The following THSD7A variants were observed in gnomAD, a reference collection of about 807,000 sequenced individuals.
The protein encoded by THSD7A is thrombospondin type-1 domain-containing protein 7A.
THSD7A carries 96 observed loss-of-function variants against 231.3 expected under a neutral mutation model. The ratio of observed to expected loss-of-function variants is 0.41; its 90% CI spans 0.35 to 0.49. The LOEUF (loss-of-function observed/expected upper bound fraction) is 0.49, where lower values mean the gene tolerates loss of function less well. Among genes scored for constraint, THSD7A ranks in the 20% least tolerant of loss-of-function variants. The probability of loss-of-function intolerance (pLI) is 0.05; values close to 1 mark genes in which losing one functional copy is unlikely to be tolerated. For synonymous variants in THSD7A, 940 were observed against 743.3 expected (o/e 1.26, Z -4.30); for missense variants, 2,290 against 2,070.2 (o/e 1.11, Z -2.06).
intron 6 of THSD7A, among the ~76,000 whole-genome samples, chr7:11,503,786 T>C (rs186577004): frequency 2.0e-5 from 3 of 152,292 alleles, no homozygotes; most frequent in African/African-American, 7.2e-5. Context: ...TCAGAATGAC[T>C]ATTATTAAAA....
chr7:11,697,794 C>A (rs1248968457), intron 1 of THSD7A, among the ~76,000 whole-genome samples: 1 of 151,326 alleles, frequency 6.6e-6, no homozygotes, highest in Non-Finnish European at 1.5e-5. Flanking sequence ...TAAGAAGAAC[C>A]TGTCCATACT....
chr7:11,531,169 C>A (rs1160786075), intron 6 of THSD7A, among the ~76,000 whole-genome samples: 2 of 152,152 alleles, frequency 1.3e-5, no homozygotes, highest in African/African-American at 4.8e-5. Flanking sequence ...TAGTTTTCCT[C>A]AACTAGTGTA....
intron 1 of THSD7A, among the ~76,000 whole-genome samples, chr7:11,748,560 C>G (rs1176546460): frequency 6.6e-6 from 1 of 151,762 alleles, no homozygotes; most frequent in African/African-American, 2.4e-5. Context: ...TCACCCTTCC[C>G]CTAAAATACC....
chr7:11,495,769 T>G (rs141751974), intron 6 of THSD7A, among the ~76,000 whole-genome samples: 113 of 152,284 alleles, frequency 7.4e-4, no homozygotes, highest in African/African-American at 2.5e-3. Flanking sequence ...GATAATGTGC[T>G]GAGACTTTTG....
At chr7:11,400,784 T>G (rs1783374238) in intron 23 of THSD7A, among the ~76,000 whole-genome samples, 1 of 152,192 alleles carries the variant, frequency 6.6e-6, no homozygotes, top group Admixed American at 6.5e-5. Flanking sequence ...TGTCTCCTAC[T>G]TTTCAGTAAG....
intron 1 of THSD7A, among the ~76,000 whole-genome samples, chr7:11,713,236 C>T (rs1017895296): frequency 1.3e-5 from 2 of 151,122 alleles, no homozygotes; most frequent in African/African-American, 4.8e-5. Flanking sequence ...CCCTCCCATT[C>T]CTCAAAAAAG....
chr7:11,566,965 T>TAGCGGGGGGGGGGGGGGGGGGGGG, intron 4 of THSD7A, among the ~76,000 whole-genome samples: 4 of 92,350 alleles, frequency 4.3e-5, no homozygotes, highest in African/African-American at 1.7e-4. Context: ...TGTGGGAGAG[T>TAGCGGGGGGGGGGGGGGGGGGGGG]GGGGGGGGGA....
chr7:11,517,620 T>C (rs1395910740), intron 6 of THSD7A, among the ~76,000 whole-genome samples: 1 of 152,200 alleles, frequency 6.6e-6, no homozygotes, highest in South Asian at 2.1e-4. Context: ...TAGTTTCTTC[T>C]CTTGATCTGA....
chr7:11,513,293 C>T (rs1313421356), intron 6 of THSD7A, among the ~76,000 whole-genome samples: 4 of 150,884 alleles, frequency 2.7e-5, no homozygotes, highest in African/African-American at 9.8e-5. Context: ...CACCTGTATC[C>T]CAATCACTTA....
chr7:11,400,384 G>A (rs60277480), intron 23 of THSD7A, among the ~76,000 whole-genome samples: 2,347 of 152,182 alleles, frequency 0.015, 76 homozygotes, highest in African/African-American at 0.053. Context: ...CTGTAGAAGC[G>A]TTTAAAGCTT....
intron 1 of THSD7A, among the ~76,000 whole-genome samples, chr7:11,686,583 T>C (rs563523372): frequency 9.2e-5 from 14 of 151,934 alleles, no homozygotes; most frequent in African/African-American, 3.4e-4. Context: ...GAAATCAACC[T>C]AGGTGTCCAC....
chr7:11,820,344 C>G, intron 1 of THSD7A: 1 of 1,003,040 alleles, frequency 1.0e-6, no homozygotes, highest in African/African-American at 1.7e-5. Context: ...GTAAATTGTC[C>G]TTCTCTTCTC....
rs1247087170 is a variant in THSD7A at position 11,818,293 on chromosome 7, AATCAATGTCT to A, written c.190+13454_190+13463del. On this transcript the variant is annotated intron_variant, in intron 1 of 27. Coordinates refer to ENST00000423059, the MANE Select transcript of THSD7A (RefSeq NM_015204.3). The stretch of plus-strand genomic sequence containing the variant: ...ATAAGTTAAACTATTTTAGCTACAT[AATCAATGTCT>A]GTGTCCAATACATTTGCTTGGGAAA... Among the ~76,000 whole-genome samples, 3 of 152,228 alleles carry A rather than the reference AATCAATGTCT, an allele frequency of 2.0e-5. No individual in the cohort carries two copies. In the East Asian group the frequency reaches 5.8e-4, roughly 29 times the overall value.
chr7:11,474,588 T>C lies in THSD7A; in HGVS notation c.2018-20A>G, dbSNP rs1299558425. ...TTCCACCTAAAAACATGGACAATGA[T>C]AGCAAATTAGATACGGTGCCAACAG... is the stretch of plus-strand genomic sequence containing the variant. On this transcript the variant is annotated intron_variant, in intron 7 of 27. Transcript: ENST00000423059. The surrounding 1 kb of genome is among the most constrained non-coding windows in gnomAD (Gnocchi z 4.1). The C allele has an allele frequency of 1.9e-6, 3 of 1,569,462 alleles. No homozygotes were observed. Among genetic ancestry groups the C allele is most frequent in the South Asian group, 1.1e-5 (1 of 87,666 alleles).
chr7:11,450,107 T>C (rs1037461999), intron 11 of THSD7A, among the ~76,000 whole-genome samples: 3 of 152,072 alleles, frequency 2.0e-5, no homozygotes, highest in African/African-American at 7.2e-5. Context: ...AGGTTCTCTC[T>C]TAAGGGTCTT....
intron 1 of THSD7A, among the ~76,000 whole-genome samples, chr7:11,719,543 G>C (rs1583221603): frequency 6.6e-6 from 1 of 151,272 alleles, no homozygotes; most frequent in African/African-American, 2.4e-5. Context: ...CATTATCTAA[G>C]GTACTTCCAT....
At chr7:11,455,641 A>G (rs1427573643) in intron 11 of THSD7A, among the ~76,000 whole-genome samples, 5 of 152,052 alleles carry the variant, frequency 3.3e-5, no homozygotes, top group Admixed American at 3.3e-4. Flanking sequence ...ATAGATCAGA[A>G]AAACTTTTCA....
rs577945520 is a variant in THSD7A at position 11,398,118 on chromosome 7, G to A, written c.4411+3677C>T. 5.3e-5 allele frequency among the ~76,000 whole-genome samples: 8 copies of A among 152,192 alleles called. No homozygotes were observed. In the East Asian group the frequency reaches 5.8e-4, roughly 11 times the overall value. ...TTATTGCAGCACTGTTCACAATAGCGAAGACTTGGAACCAACCCAAATGCT... is the reference window on the plus strand; with the variant it reads ...TTATTGCAGCACTGTTCACAATAGCAAAGACTTGGAACCAACCCAAATGCT... On this transcript the variant is annotated intron_variant, in intron 23 of 27. Coordinates refer to ENST00000423059, the MANE Select transcript of THSD7A (RefSeq NM_015204.3).
chr7:11,720,337 AC>A (rs1781306691), intron 1 of THSD7A, among the ~76,000 whole-genome samples: 3 of 151,700 alleles, frequency 2.0e-5, no homozygotes, highest in Admixed American at 6.6e-5. Context: ...TCATTGTCAC[AC>A]CTACTTTCTA....
Sources: allele counts gnomAD v4.1 joint callset (sites outside exome capture counted in the v4.1 genomes callset), GRCh38; gene constraint gnomAD v4.1.1; non-coding constraint Gnocchi (gnomAD v3.1); transcripts MANE v1.5; gene names NCBI Gene and HGNC (gene_info 2026-07-23, HGNC 2026-07-21).